The following TCF4 variants were observed in gnomAD, a reference collection of about 807,000 sequenced individuals.
The protein encoded by TCF4 is SL3-3 enhancer factor 2.
TCF4 carries 3 observed loss-of-function variants against 82.1 expected under a neutral mutation model. The observed-to-expected ratio is 0.04, with a 90% confidence interval of 0.02 to 0.09. The LOEUF (loss-of-function observed/expected upper bound fraction) is 0.09. TCF4 is among the 10% of genes least tolerant of loss of function. The probability of loss-of-function intolerance (pLI) is 1.00; values close to 1 mark genes in which losing one functional copy is unlikely to be tolerated. For missense variants in TCF4, 518 were observed against 852.7 expected (o/e 0.61, Z 4.89); for synonymous variants, 276 against 309.6 (o/e 0.89, Z 1.14).
intron 3 of TCF4, among the ~76,000 whole-genome samples, chr18:55,566,200 G>A (rs530297150): frequency 6.6e-5 from 10 of 152,090 alleles, no homozygotes; most frequent in South Asian, 2.1e-4. Context: ...GCGACAGAGC[G>A]AGATTCTGCC....
chr18:55,458,524 A>G (rs1012809660), intron 5 of TCF4, among the ~76,000 whole-genome samples: 2 of 152,204 alleles, frequency 1.3e-5, no homozygotes, highest in African/African-American at 4.8e-5. Context: ...TTGTAAATTA[A>G]TTGTCGTTAA....
At chr18:55,517,183 C>T (rs1293319729) in intron 3 of TCF4, among the ~76,000 whole-genome samples, 1 of 152,152 alleles carries the variant, frequency 6.6e-6, no homozygotes, top group African/African-American at 2.4e-5. Context: ...TGCCACATGA[C>T]ACGCTTTGAC....
chr18:55,371,599 T>C (rs1326808533), intron 6 of TCF4, among the ~76,000 whole-genome samples: 2 of 152,100 alleles, frequency 1.3e-5, no homozygotes, highest in Non-Finnish European at 2.9e-5. Context: ...CTTTACTAGA[T>C]ACCAAGAGCA....
intron 15 of TCF4, among the ~76,000 whole-genome samples, chr18:55,240,444 AT>A (rs1488580990): frequency 6.6e-6 from 1 of 152,234 alleles, no homozygotes; most frequent in Non-Finnish European, 1.5e-5. Flanking sequence ...TTCAGTTTCA[AT>A]TATCTTGCCA....
intron 7 of TCF4, 120 bp from the exon 8 acceptor site, chr18:55,350,528 G>A: frequency 1.0e-6 from 1 of 988,524 alleles, no homozygotes; most frequent in South Asian, 1.3e-5. Context: ...TTAGCAAACT[G>A]TAGTTACCAC....
At chr18:55,283,435 G>A (rs918815678) in intron 8 of TCF4, among the ~76,000 whole-genome samples, 10 of 152,228 alleles carry the variant, frequency 6.6e-5, no homozygotes, top group African/African-American at 2.2e-4. Flanking sequence ...TGGCATATCG[G>A]TTTCACTTAC....
At chr18:55,474,961 A>G (rs2096261551) in intron 3 of TCF4, among the ~76,000 whole-genome samples, 1 of 152,172 alleles carries the variant, frequency 6.6e-6, no homozygotes, top group Admixed American at 6.5e-5. Flanking sequence ...TGCAGTTATA[A>G]TTATATAATA....
rs1009256732 is a variant in TCF4 at position 55,586,961 on chromosome 18, T to C, written c.72+84A>G. On this transcript the variant is annotated intron_variant, in intron 2 of 19. Coordinates refer to ENST00000354452, the MANE Select transcript of TCF4 (RefSeq NM_001083962.2). ...TTAAAAATTATTACTGTCCTTTAGA[T>C]TCCTACTGGTTTCTAGCTGAAGTGT... is the stretch of plus-strand genomic sequence containing the variant. 2.9e-5 allele frequency: 35 copies of C among 1,204,746 alleles called. No individual in the cohort carries two copies. The African/African-American group carries it at 3.7e-4, about 13-fold the overall frequency. The allele number at this position is 1,204,746 out of a possible 1,614,324, so 74.6% of individuals were successfully genotyped here. A position where few individuals can be genotyped will look rare whatever the true frequency, so the allele number is the denominator to read the frequency against.
chr18:55,243,615 G>C (rs918650061), intron 15 of TCF4, among the ~76,000 whole-genome samples: 1 of 148,046 alleles, frequency 6.8e-6, no homozygotes, highest in Non-Finnish European at 1.5e-5. Context: ...TTTGTTTTTT[G>C]AGAATAAAGC....
At chr18:55,320,969 C>T (rs1275527972) in intron 8 of TCF4, 2 of 152,410 alleles carry the variant, frequency 1.3e-5, no homozygotes, top group Non-Finnish European at 2.9e-5. Context: ...TTAAATAAAG[C>T]GTTTCTGTTG....
intron 8 of TCF4, chr18:55,322,040 T>A (rs539902071): frequency 5.1e-4 from 603 of 1,172,762 alleles, no homozygotes; most frequent in Non-Finnish European, 6.0e-4. Context: ...GTTCCTCGAA[T>A]AATGCCGATT....
At chr18:55,265,493 G>A (rs1022945974) in intron 11 of TCF4, 1 of 152,148 alleles carries the variant, frequency 6.6e-6, no homozygotes, top group Admixed American at 6.6e-5. Context: ...TGGGCTTCCT[G>A]ATCGTGCACA....
intron 2 of TCF4, among the ~76,000 whole-genome samples, chr18:55,627,191 A>T (rs2097727291): frequency 6.6e-6 from 1 of 152,172 alleles, no homozygotes; most frequent in Non-Finnish European, 1.5e-5. Flanking sequence ...TGCTGAGTGT[A>T]CTGCTGCTGA....
intron 3 of TCF4, among the ~76,000 whole-genome samples, chr18:55,511,391 A>G (rs2096828019): frequency 6.6e-6 from 1 of 150,498 alleles, no homozygotes; most frequent in Non-Finnish European, 1.5e-5. Context: ...ACTTACCTCT[A>G]CTATTTTAAT....
At chr18:55,445,666 A>G (rs2095513141) in intron 5 of TCF4, among the ~76,000 whole-genome samples, 1 of 152,196 alleles carries the variant, frequency 6.6e-6, no homozygotes, top group South Asian at 2.1e-4. Context: ...GCCAAGCCAT[A>G]TCAACCTGTC....
At chr18:55,253,653 A>G (rs1267988117) in intron 15 of TCF4, among the ~76,000 whole-genome samples, 1 of 152,218 alleles carries the variant, frequency 6.6e-6, no homozygotes, top group African/African-American at 2.4e-5. Context: ...ACTTATTCTA[A>G]ATAGGTAGTA....
intron 2 of TCF4, among the ~76,000 whole-genome samples, chr18:55,602,546 C>T (rs1398306996): frequency 1.3e-5 from 2 of 152,166 alleles, no homozygotes; most frequent in Non-Finnish European, 2.9e-5. Flanking sequence ...ATAGATGACT[C>T]TCCTTTTAAA....
At chr18:55,622,047 T>C (rs909218318) in intron 2 of TCF4, among the ~76,000 whole-genome samples, 20 of 137,320 alleles carry the variant, frequency 1.5e-4, no homozygotes, top group Admixed American at 6.7e-4. Context: ...ATACACTATA[T>C]ATAATATATA....
chr18:55,577,968 C>T (rs1312676633), intron 3 of TCF4, among the ~76,000 whole-genome samples: 2 of 152,084 alleles, frequency 1.3e-5, no homozygotes, highest in Non-Finnish European at 2.9e-5. Context: ...CCAGCAGGTG[C>T]TGCTGTAACC....
Sources: gnomAD v4.1 joint callset for allele counts (sites outside exome capture counted in the v4.1 genomes callset) on GRCh38, gnomAD v4.1.1 for gene constraint, MANE v1.5 for transcripts, NCBI Gene and HGNC (gene_info 2026-07-23, HGNC 2026-07-21) for gene names.